The following IQCH variants were observed in gnomAD, a reference collection of about 807,000 sequenced individuals.
IQCH encodes the protein IQ motif containing H.
Under a neutral mutation model 117.0 loss-of-function variants are expected in IQCH, and 98 were observed. That is an observed-to-expected ratio of 0.84 (90% confidence interval 0.71 to 0.99). The LOEUF (loss-of-function observed/expected upper bound fraction) is 0.99. Among genes scored for constraint, IQCH ranks in the 50% least tolerant of loss-of-function variants. IQCH has a pLI of 0.00. For synonymous variants in IQCH, 412 were observed against 448.2 expected (o/e 0.92, Z 1.02); for missense variants, 1,102 against 1,243.8 (o/e 0.89, Z 1.72).
intron 16 of IQCH, among the ~76,000 whole-genome samples, chr15:67,437,135 C>T (rs2082158467): frequency 6.6e-6 from 1 of 152,172 alleles, no homozygotes; most frequent in African/African-American, 2.4e-5. Flanking sequence ...GCTAAGAACC[C>T]TTATGGAATC....
intron 4 of IQCH, among the ~76,000 whole-genome samples, chr15:67,336,395 A>T (rs1031313407): frequency 6.6e-6 from 1 of 152,240 alleles, no homozygotes; most frequent in African/African-American, 2.4e-5. Context: ...AAACCATTTA[A>T]TAGAAACAAT....
Position 67,373,372 on chromosome 15 carries a change from G to T in IQCH, c.1311G>T (p.Leu437=). 6.2e-7 allele frequency: 1 copy of T among 1,610,488 alleles called. No individual in the cohort carries two copies. The highest frequency in any genetic ancestry group is 8.5e-7 in the Non-Finnish European group (1 of 1,177,052). ...LENFRIRAKH[L]AANWNRIRTS... is the part of the protein sequence containing the mutation. Reference sequence around the variant, plus strand: ...ATGCTCTTCTTGATTTTTAGCATCTGGCAGCCAACTGGAATCGCATCAGGA... The same window carrying T: ...ATGCTCTTCTTGATTTTTAGCATCTTGCAGCCAACTGGAATCGCATCAGGA... The change falls in exon 10 of 21, where the codon CTG becomes CTT. Residue 437 remains leucine, a synonymous_variant. Transcript: ENST00000335894.
rs113818852 is a variant in IQCH at position 67,492,842 on chromosome 15, A to C, written c.2862-1416A>C. On this transcript the variant is annotated intron_variant, in intron 19 of 20. Transcript: ENST00000335894. ...CAAGAGGAAAACCATCACAGAAAGTAGGAGATAGAGGAAGAGCCTGTTTCA... is the reference window on the plus strand; with the variant it reads ...CAAGAGGAAAACCATCACAGAAAGTCGGAGATAGAGGAAGAGCCTGTTTCA... Among the ~76,000 whole-genome samples the C allele has an allele frequency of 7.8e-3, 1,188 of 152,300 alleles. 13 individuals carry two copies. Among genetic ancestry groups the C allele is most frequent in the African/African-American group, 0.025 (1,054 of 41,560 alleles).
intron 4 of IQCH, among the ~76,000 whole-genome samples, chr15:67,332,927 G>C (rs1218320359): frequency 6.6e-6 from 1 of 152,104 alleles, no homozygotes; most frequent in Admixed American, 6.6e-5. Flanking sequence ...TAAACTGGGT[G>C]GTTTATAAAT....
chr15:67,255,382 T>A (rs1291476862), intron 1 of IQCH: 1 of 164,374 alleles, frequency 6.1e-6, no homozygotes, highest in African/African-American at 2.4e-5. Flanking sequence ...ACACCCCAGT[T>A]TTTTAGATCT....
chr15:67,423,056 A>C (rs1196151112), intron 16 of IQCH, among the ~76,000 whole-genome samples: 1 of 152,198 alleles, frequency 6.6e-6, no homozygotes, highest in Non-Finnish European at 1.5e-5. Flanking sequence ...CAGCTTGTTC[A>C]ATAATCATTT....
At chr15:67,302,843 C>T (rs548917292) in intron 4 of IQCH, among the ~76,000 whole-genome samples, 2 of 152,112 alleles carry the variant, frequency 1.3e-5, no homozygotes, top group South Asian at 4.2e-4. Flanking sequence ...GGTGACAGAG[C>T]GAGACTCCGT....
In IQCH at chr15:67,381,036, G is replaced by T. The variant is rs1466604185; in HGVS notation, c.1373-3900G>T. Among the ~76,000 whole-genome samples the T allele has an allele frequency of 1.3e-5, 2 of 152,182 alleles. No individual in the cohort carries two copies. The highest frequency in any genetic ancestry group is 1.9e-4 in the East Asian group (1 of 5,198). ...GGTAAGAAGCTGAGTTTTCAAGAAC[G>T]TGTGATCTGCTGCAACAACAGGGGC... On this transcript the variant is annotated intron_variant, in intron 10 of 20. Coordinates refer to ENST00000335894, the MANE Select transcript of IQCH (RefSeq NM_001031715.3). This position sits in a 1 kb window ranked among gnomAD's most constrained non-coding sequence, Gnocchi z 5.1.
At chr15:67,286,233 G>A (rs1966557103) in intron 4 of IQCH, among the ~76,000 whole-genome samples, 1 of 151,998 alleles carries the variant, frequency 6.6e-6, no homozygotes, top group Non-Finnish European at 1.5e-5. Context: ...TTTTCACATT[G>A]TTCGCTGTGG....
At chr15:67,455,600 C>T (rs936505145) in intron 16 of IQCH, among the ~76,000 whole-genome samples, 2 of 152,194 alleles carry the variant, frequency 1.3e-5, no homozygotes, top group Admixed American at 6.6e-5. Flanking sequence ...TCATCCTTAC[C>T]GAGAGAGGAT....
At position 67,395,258 on chromosome 15, in the gene IQCH, C is replaced by T; in HGVS notation, c.1633-33C>T. ...GGTGTATGGACTAGAAAAAAGGACA[C>T]CTTTTAACAAGAATAATATGATCTT... On this transcript the variant is annotated intron_variant, in intron 12 of 20. Coordinates refer to ENST00000335894, the MANE Select transcript of IQCH (RefSeq NM_001031715.3). This position sits in a 1 kb window ranked among gnomAD's most constrained non-coding sequence, Gnocchi z 4.0. 6.3e-7 allele frequency: 1 copy of T among 1,593,794 alleles called. No individual in the cohort carries two copies. Among genetic ancestry groups the T allele is most frequent in the Non-Finnish European group, 8.6e-7 (1 of 1,169,314 alleles).
chr15:67,309,672 CACTA>C (rs1233772896), intron 4 of IQCH, among the ~76,000 whole-genome samples: 1 of 151,782 alleles, frequency 6.6e-6, no homozygotes, highest in East Asian at 1.9e-4. Context: ...GCAGCCTTGC[CACTA>C]ACTAACTAGT....
intron 16 of IQCH, among the ~76,000 whole-genome samples, chr15:67,442,270 C>A (rs2082288443): frequency 6.6e-6 from 1 of 151,962 alleles, no homozygotes; most frequent in Admixed American, 6.6e-5. Flanking sequence ...ATTAGCCAGG[C>A]ATGGTGGTGC....
rs183648034 is a variant in IQCH, at chr15:67,446,332, G to T, written c.2506-18795G>T. Among the ~76,000 whole-genome samples, 22 of 152,300 alleles carry T rather than the reference G, an allele frequency of 1.4e-4. No individual in the cohort carries two copies. In the East Asian group the frequency reaches 2.5e-3, roughly 17 times the overall value. ...TAAAACTAAGAATTTACACTTATCT[G>T]CCATGACTCAATAGCATTCTAGTGT... On this transcript the variant is annotated intron_variant, in intron 16 of 20. Coordinates refer to ENST00000335894, the MANE Select transcript of IQCH (RefSeq NM_001031715.3).
intron 18 of IQCH, 51 bp from the exon 19 acceptor site, chr15:67,489,952 T>C (rs540438453): frequency 7.9e-7 from 1 of 1,266,364 alleles, no homozygotes; most frequent in African/African-American, 1.5e-5. Context: ...TTTCTGTACT[T>C]TGTTTCTGAG....
At chr15:67,374,541 TAATAA>T (rs1970673760) in intron 10 of IQCH, among the ~76,000 whole-genome samples, 6 of 152,280 alleles carry the variant, frequency 3.9e-5, no homozygotes, top group Admixed American at 2.6e-4. Context: ...AAAATATCAA[TAATAA>T]AATAAGGCAA....
At chr15:67,334,473 C>T (rs1968805428) in intron 4 of IQCH, among the ~76,000 whole-genome samples, 1 of 152,196 alleles carries the variant, frequency 6.6e-6, no homozygotes, top group South Asian at 2.1e-4. Flanking sequence ...ATTGCTACCA[C>T]TTTTACTACC....
intron 4 of IQCH, among the ~76,000 whole-genome samples, chr15:67,303,134 G>A (rs1967134115): frequency 6.6e-6 from 1 of 152,106 alleles, no homozygotes; most frequent in Non-Finnish European, 1.5e-5. Context: ...TTAATTGAAA[G>A]GAAAACAGTT....
In IQCH at chr15:67,443,431, A is replaced by C. The variant is rs543567196; in HGVS notation, c.2506-21696A>C. 5.3e-5 allele frequency among the ~76,000 whole-genome samples: 8 copies of C among 152,234 alleles called. No individual in the cohort carries two copies. Among genetic ancestry groups the C allele is most frequent in the African/African-American group, 1.7e-4 (7 of 41,534 alleles). On this transcript the variant is annotated intron_variant, in intron 16 of 20. Coordinates refer to ENST00000335894, the MANE Select transcript of IQCH (RefSeq NM_001031715.3). This position sits in a 1 kb window ranked among gnomAD's most constrained non-coding sequence, Gnocchi z 5.0. ...TCGACTTTGGGGACTTGGGGGAAAG[A>C]GTGGGAGGGGGTGAGGGACAAAAGA...
Sources: gnomAD v4.1 joint callset for allele counts (sites outside exome capture counted in the v4.1 genomes callset) on GRCh38, gnomAD v4.1.1 for gene constraint, Gnocchi (gnomAD v3.1) non-coding constraint, MANE v1.5 for transcripts, NCBI Gene and HGNC (gene_info 2026-07-23, HGNC 2026-07-21) for gene names.